Variants in FAT2 observed in about 807,000 individuals in gnomAD.
FAT2 encodes protocadherin Fat 2.
FAT2 carries 150 observed loss-of-function variants against 295.3 expected under a neutral mutation model. The observed-to-expected ratio is 0.51, with a 90% confidence interval of 0.44 to 0.58. The LOEUF (loss-of-function observed/expected upper bound fraction) is 0.58. FAT2 is among the 20% of genes least tolerant of loss of function. The pLI is 0.00. For synonymous variants in FAT2, 2,026 were observed against 2,150.3 expected (o/e 0.94, Z 1.60); for missense variants, 4,868 against 5,442.7 (o/e 0.89, Z 3.32).
intron 4 of FAT2, among the ~76,000 whole-genome samples, chr5:151,555,659 C>T (rs1393321465): frequency 3.3e-5 from 5 of 152,136 alleles, no homozygotes; most frequent in African/African-American, 9.7e-5. Flanking sequence ...CATGAGCCAC[C>T]GTGCCTGGCT....
chr5:151,506,074 A>G lies in FAT2; in HGVS notation c.12541T>C (p.Trp4181Arg), dbSNP rs1760841675. The change falls in exon 24 of 24, where the codon TGG becomes CGG. Residue 4181 changes from tryptophan (W) to arginine (R), a missense_variant. Around this residue, in one of 5 missense-constraint regions of FAT2, gnomAD observed 492 missense variants for 482.6 expected, o/e 1.02. Coordinates refer to ENST00000261800, the MANE Select transcript of FAT2 (RefSeq NM_001447.3). ...TCGTTCCTGGAGTAAGTAGGGGGCC[A>G]GACCATGGCTCCGCCAGGGTACACT... ...EMVYPGGAMV[W>R]PPTYSRNERW... 1 of 1,529,670 alleles carries G rather than the reference A, an allele frequency of 6.5e-7. No homozygotes were observed. The highest frequency in any genetic ancestry group is 8.7e-7 in the Non-Finnish European group (1 of 1,146,652). The allele number at this position is 1,529,670 out of a possible 1,614,324, so 94.8% of individuals were successfully genotyped here.
intron 3 of FAT2, among the ~76,000 whole-genome samples, chr5:151,562,343 G>A (rs1189063880): frequency 3.3e-5 from 5 of 152,206 alleles, no homozygotes; most frequent in Non-Finnish European, 7.3e-5. Context: ...GTTCAGTGGG[G>A]AATATGTCAG....
intron 1 of FAT2, among the ~76,000 whole-genome samples, chr5:151,582,203 C>G (rs1450909793): frequency 6.6e-6 from 1 of 152,232 alleles, no homozygotes; most frequent in Non-Finnish European, 1.5e-5. Context: ...TAATGAGATG[C>G]AAATGAGCCT....
At position 151,545,046 on chromosome 5, in the gene FAT2, C is replaced by T. The variant is rs192320051; in HGVS notation, c.6081G>A (p.Ala2027=). The change falls in exon 10 of 24, where the codon GCG becomes GCA. Residue 2027 remains alanine (A), a synonymous_variant. Coordinates refer to ENST00000261800, the MANE Select transcript of FAT2 (RefSeq NM_001447.3). ...SAGVLQTRGV[A]FDREQQDTHE... is the part of the protein sequence containing the mutation. ...GAGTGTCCTGCTGCTCCCGGTCAAACGCCACACCTCTTGTCTGCAACACAC... is the reference window on the plus strand; with the variant it reads ...GAGTGTCCTGCTGCTCCCGGTCAAATGCCACACCTCTTGTCTGCAACACAC... The T allele has an allele frequency of 4.5e-5, 72 of 1,614,182 alleles. 1 individual carries two copies. The Admixed American group carries it at 5.2e-4, about 12-fold the overall frequency.
intron 3 of FAT2, among the ~76,000 whole-genome samples, chr5:151,560,777 G>C (rs1490440637): frequency 1.3e-5 from 2 of 152,334 alleles, no homozygotes; most frequent in East Asian, 3.9e-4. Context: ...TTGTTTAGAA[G>C]CCTAGTAAGG....
intron 22 of FAT2, 94 bp from the exon 23 acceptor site, chr5:151,507,705 CA>C: frequency 8.7e-7 from 1 of 1,150,958 alleles, no homozygotes; most frequent in Non-Finnish European, 1.2e-6. Flanking sequence ...CTGCTCCCCC[CA>C]AAACCTACCA....
At chr5:151,511,145 G>C (rs1226388627) in intron 21 of FAT2, 1 of 152,406 alleles carries the variant, frequency 6.6e-6, no homozygotes, top group East Asian at 1.9e-4. Flanking sequence ...GGGGGCTTGG[G>C]ACAGAGGGAC....
chr5:151,549,065 C>G (rs184642405), intron 9 of FAT2, among the ~76,000 whole-genome samples: 2 of 152,222 alleles, frequency 1.3e-5, no homozygotes, highest in African/African-American at 4.8e-5. Flanking sequence ...AATATATATG[C>G]AAATTCTCCC....
chr5:151,586,505 CA>C (rs1219091883), intron 1 of FAT2, among the ~76,000 whole-genome samples: 1 of 152,148 alleles, frequency 6.6e-6, no homozygotes, highest in Non-Finnish European at 1.5e-5. Context: ...ATTTGTTAAT[CA>C]ATGGGTAGTG....
intron 6 of FAT2, 148 bp downstream of exon 6, chr5:151,553,029 G>A (rs1757358984): frequency 1.4e-6 from 1 of 693,250 alleles, no homozygotes; most frequent in Admixed American, 2.6e-5. Context: ...GAGAACCAGG[G>A]AAGAGGCAGT....
rs1364962014 is a variant in FAT2 at position 151,542,419 on chromosome 5, G to A, written c.8708C>T (p.Ala2903Val). ...QVSITDENDN[A>V]PRFASEEYRG... ...GTACTCTTCAGAAGCAAATCGGGGAGCATTGTCATTCTCATCTGTAATGGA... is the reference window on the plus strand; with the variant it reads ...GTACTCTTCAGAAGCAAATCGGGGAACATTGTCATTCTCATCTGTAATGGA... The change falls in exon 10 of 24, where the codon GCT (alanine) becomes GTT (valine). Residue 2903 changes from alanine to valine, a missense_variant. Coordinates refer to ENST00000261800, the MANE Select transcript of FAT2 (RefSeq NM_001447.3). The A allele has an allele frequency of 1.2e-6, 2 of 1,614,178 alleles. No homozygotes were observed. The highest frequency in any genetic ancestry group is 1.1e-5 in the South Asian group (1 of 91,078).
In FAT2 at chr5:151,546,064, G is replaced by T; in HGVS notation, c.5063C>A (p.Ser1688Tyr). 1.9e-6 allele frequency: 3 copies of T among 1,614,196 alleles called. No homozygotes were observed. Among genetic ancestry groups the T allele is most frequent in the Non-Finnish European group, 2.5e-6 (3 of 1,180,044 alleles). Reference protein sequence around the residue: ...PILLVSAMSPSEVTYELREGN... With the variant: ...PILLVSAMSPYEVTYELREGN... ...CTCTCTTAACTCATAGGTAACTTCA[G>T]AGGGGCTCATAGCAGAGACAAGGAG... The change falls in exon 10 of 24, where the codon TCT (serine) becomes TAT (tyrosine). Residue 1688 changes from serine to tyrosine, a missense_variant. By Grantham distance (144) the Ser-to-Tyr change is moderately radical. This residue lies in a region of FAT2 where 3,297 missense variants were observed against 3,669.4 expected (regional missense o/e 0.90). Transcript: ENST00000261800.
At chr5:151,524,603 A>G (rs1030822986) in intron 18 of FAT2, among the ~76,000 whole-genome samples, 2 of 152,204 alleles carry the variant, frequency 1.3e-5, no homozygotes, top group Admixed American at 6.5e-5. Flanking sequence ...TAGCAGCCCA[A>G]ATGGACTAAG....
At chr5:151,533,437 C>CAG (rs1358173894) in intron 13 of FAT2, among the ~76,000 whole-genome samples, 29 of 150,616 alleles carry the variant, frequency 1.9e-4, no homozygotes, top group African/African-American at 6.7e-4. Context: ...CACACACACA[C>CAG]GCTTTCCAGG....
chr5:151,559,335 AAGG>A (rs1301682552), intron 3 of FAT2, among the ~76,000 whole-genome samples: 1 of 152,104 alleles, frequency 6.6e-6, no homozygotes, highest in Non-Finnish European at 1.5e-5. Context: ...CCAGTCAAAG[AAGG>A]AGGACAAGTG....
intron 22 of FAT2, 25 bp downstream of exon 22, chr5:151,509,996 G>A (rs1761194938): frequency 1.2e-6 from 2 of 1,609,902 alleles, no homozygotes; most frequent in African/African-American, 1.4e-5. Context: ...AGGAGCCCAT[G>A]GCAGGTGGCC....
Position 151,565,733 on chromosome 5 carries a change from G to A in FAT2, c.3199C>T (p.Leu1067Phe). The stretch of plus-strand genomic sequence containing the variant: ...GTGCCAGCACGCAGGAAGTACTGGA[G>A]CTCCCCATCCAAGCCACTGTCATCG... ...QDDDSGLDGE[L>F]QYFLRAGTGL... is the part of the protein sequence containing the mutation. The change falls in exon 2 of 24, where the codon CTC becomes TTC. Residue 1067 changes from leucine to phenylalanine, a missense_variant. Around this residue, in one of 5 missense-constraint regions of FAT2, gnomAD observed 3,297 missense variants for 3,669.4 expected, o/e 0.90. Coordinates refer to ENST00000261800, the MANE Select transcript of FAT2 (RefSeq NM_001447.3). 1 of 1,613,528 alleles carries A rather than the reference G, an allele frequency of 6.2e-7. No homozygotes were observed. Among genetic ancestry groups the A allele is most frequent in the Non-Finnish European group, 8.5e-7 (1 of 1,179,834 alleles).
intron 1 of FAT2, among the ~76,000 whole-genome samples, chr5:151,572,863 A>G (rs1358017273): frequency 6.6e-6 from 1 of 152,156 alleles, no homozygotes; most frequent in Non-Finnish European, 1.5e-5. Flanking sequence ...CTAGCCACAG[A>G]CTGTTCCGGG....
chr5:151,565,696 G>T lies in FAT2; in HGVS notation c.3236C>A (p.Ala1079Asp), dbSNP rs748935728. 2.4e-5 allele frequency: 39 copies of T among 1,592,958 alleles called. No individual in the cohort carries two copies. The Middle Eastern group carries it at 5.0e-4, about 21-fold the overall frequency. ...ACCTGTATCTTGGTTGATGCTGAAG[G>T]CTGCGAGTCCAGTGCCAGCACGCAG... ...YFLRAGTGLA[A>D]FSINQDTGMI... Residue 1079 changes from alanine (A) to aspartate (D), a missense_variant, in exon 2 of 24, where the codon GCC (alanine) becomes GAC (aspartate). Transcript: ENST00000261800.
Sources: allele counts gnomAD v4.1 joint callset (sites outside exome capture counted in the v4.1 genomes callset), GRCh38; gene constraint gnomAD v4.1.1; regional missense constraint gnomAD v4.1.1; transcripts MANE v1.5; gene names NCBI Gene and HGNC (gene_info 2026-07-23, HGNC 2026-07-21).